CERS3: variants seen among roughly 807,000 people sequenced by gnomAD.
The protein encoded by CERS3 is ceramide synthase 3.
In CERS3, 33 loss-of-function variants were observed where a neutral mutation model predicts 50.3. The observed-to-expected ratio is 0.66, with a 90% CI of 0.50 to 0.88. The LOEUF is 0.88. Among genes scored for constraint, CERS3 ranks in the 40% least tolerant of loss-of-function variants. CERS3 has a pLI of 0.00. For synonymous variants in CERS3, 176 were observed against 155.2 expected (o/e 1.13, Z -0.99); for missense variants, 470 against 460.3 (o/e 1.02, Z -0.19).
chr15:100,481,730 T>G (rs984642681), intron 5 of CERS3, among the ~76,000 whole-genome samples: 1 of 152,228 alleles, frequency 6.6e-6, no homozygotes, highest in African/African-American at 2.4e-5. Flanking sequence ...TCATAAAACT[T>G]ACGGAAGTTT....
chr15:100,530,095 G>C (rs8030044), upstream of CERS3, among the ~76,000 whole-genome samples: 2 of 152,182 alleles, frequency 1.3e-5, no homozygotes, highest in South Asian at 4.1e-4. Context: ...ATGGGCTCAT[G>C]CATTTTTAAA....
At position 100,479,488 on chromosome 15, in the gene CERS3, G is replaced by GAA. The variant is rs749210730; in HGVS notation, c.466-12_466-11dup. 6.1e-5 allele frequency: 74 copies of GAA among 1,208,748 alleles called. No individual in the cohort carries two copies. The highest frequency in any genetic ancestry group is 2.0e-4 in the Admixed American group (8 of 39,636). The allele number at this position is 1,208,748 out of a possible 1,614,324, so 74.9% of individuals were successfully genotyped here. On this transcript the variant is annotated splice_polypyrimidine_tract_variant and intron_variant, in intron 6 of 11. Coordinates refer to ENST00000679737, the MANE Select transcript of CERS3 (RefSeq NM_001378789.1). The stretch of plus-strand genomic sequence containing the variant: ...CATATAGCCAAGGTTTCTGAAAGAA[G>GAA]AAAAAAAAAAAGAGCCAACAGATGA...
At position 100,450,566 on chromosome 15, in the gene CERS3, T is replaced by C. The variant is rs1338702595; in HGVS notation, c.999+5327A>G. Among the ~76,000 whole-genome samples the C allele has an allele frequency of 2.0e-5, 3 of 151,792 alleles. No individual in the cohort carries two copies. In the East Asian group the frequency reaches 5.8e-4, roughly 29 times the overall value. ...ATAGCCTACAGGACATATGGGACAC[T>C]GTAAGGGAAACAACTTATTGAACTT... On this transcript the variant is annotated intron_variant, in intron 11 of 11. Coordinates refer to ENST00000679737, the MANE Select transcript of CERS3 (RefSeq NM_001378789.1).
chr15:100,539,724 A>G (rs1596836259), intron 1 of CERS3, among the ~76,000 whole-genome samples: 3 of 152,194 alleles, frequency 2.0e-5, no homozygotes, highest in African/African-American at 7.2e-5. Context: ...TGGGGACACA[A>G]AGATTAACCA....
At chr15:100,491,613 G>A (rs1052898765) in intron 3 of CERS3, among the ~76,000 whole-genome samples, 1 of 151,974 alleles carries the variant, frequency 6.6e-6, no homozygotes, top group Non-Finnish European at 1.5e-5. Context: ...TTTAAATTTA[G>A]ATTGATTTTA....
chr15:100,437,835 T>G (rs1258151067), intron 11 of CERS3: 3 of 152,142 alleles, frequency 2.0e-5, no homozygotes, highest in Non-Finnish European at 2.9e-5. Flanking sequence ...TGCCAGTGAA[T>G]GGGAGAGCTG....
At chr15:100,544,437 T>TCTCTCGGCCTTGACCTCCGCGGGGC (rs1567697375) in intron 1 of CERS3, 8 of 101,456 alleles carry the variant, frequency 7.9e-5, no homozygotes, top group Admixed American at 3.9e-4. Flanking sequence ...CTGCGCGGGG[T>TCTCTCGGCCTTGACCTCCGCGGGGC]CACGGGCCCT....
intron 4 of CERS3, among the ~76,000 whole-genome samples, chr15:100,485,166 A>C (rs566170482): frequency 1.3e-5 from 2 of 152,214 alleles, no homozygotes; most frequent in Non-Finnish European, 2.9e-5. Context: ...TCTTTCTCAC[A>C]GCTCCAGAAG....
chr15:100,414,125 G>T (rs987665444), intron 11 of CERS3, among the ~76,000 whole-genome samples: 1 of 151,958 alleles, frequency 6.6e-6, no homozygotes, highest in Admixed American at 6.6e-5. Context: ...ACCAAAACCT[G>T]ACAGAAACAC....
chr15:100,500,451 C>T (rs150718922), intron 3 of CERS3: 1 of 152,190 alleles, frequency 6.6e-6, no homozygotes, highest in Middle Eastern at 3.2e-3. Context: ...GTTTCTGGCT[C>T]ACAGTCCTGG....
chr15:100,449,793 CA>C (rs1415317767), intron 11 of CERS3, among the ~76,000 whole-genome samples: 2 of 152,158 alleles, frequency 1.3e-5, no homozygotes, highest in Non-Finnish European at 2.9e-5. Context: ...ACTGTTATAC[CA>C]GATGTGTAGA....
At chr15:100,467,334 T>A (rs1567639194) in intron 10 of CERS3, among the ~76,000 whole-genome samples, 2 of 152,006 alleles carry the variant, frequency 1.3e-5, no homozygotes, top group Admixed American at 6.6e-5. Context: ...GTTGTTGTCT[T>A]AAGACAGAGG....
intron 10 of CERS3, among the ~76,000 whole-genome samples, chr15:100,467,450 T>TA (rs2034784213): frequency 6.6e-6 from 1 of 152,036 alleles, no homozygotes; most frequent in African/African-American, 2.4e-5. Flanking sequence ...TTTAAAGGAT[T>TA]ATAAAACAAA....
In CERS3 at chr15:100,467,850, T is replaced by TAGATAGATAGATAGATAGATAG. The variant is rs1555528324; in HGVS notation, c.845+1527_845+1528insCTATCTATCTATCTATCTATCT. Among the ~76,000 whole-genome samples the TAGATAGATAGATAGATAGATAG allele has an allele frequency of 2.5e-3, 230 of 93,132 alleles. 2 individuals are homozygous for TAGATAGATAGATAGATAGATAG. Among genetic ancestry groups the TAGATAGATAGATAGATAGATAG allele is most frequent in the Non-Finnish European group, 3.4e-3 (146 of 43,072 alleles). 61.1% of individuals were successfully genotyped at this position (93,132 alleles called of 152,430 possible). ...ATATATATACGTGTATATATATATATATAGATAGATAGATAGATAGATAGA... is the reference window on the plus strand; with the variant it reads ...ATATATATACGTGTATATATATATATAGATAGATAGATAGATAGATAGATAGATAGATAGATAGATAGATAGA... On this transcript the variant is annotated intron_variant, in intron 10 of 11. Coordinates refer to ENST00000679737, the MANE Select transcript of CERS3 (RefSeq NM_001378789.1).
In CERS3 at chr15:100,514,339, A is replaced by G. The variant is rs545601273; in HGVS notation, c.-2+7328T>C. 7.2e-5 allele frequency among the ~76,000 whole-genome samples: 11 copies of G among 152,246 alleles called. No individual in the cohort carries two copies. In the South Asian group the frequency reaches 2.1e-3, roughly 29 times the overall value. On this transcript the variant is annotated intron_variant, in intron 2 of 11. Transcript: ENST00000679737. ...AATTGACACTTATTAAGTTAGAAGA[A>G]GTTATTTAAAAATAATATTCAGTGC...
chr15:100,452,715 G>C (rs2034215893), intron 11 of CERS3, among the ~76,000 whole-genome samples: 2 of 151,968 alleles, frequency 1.3e-5, no homozygotes, highest in South Asian at 4.1e-4. Context: ...AAAATTAGAA[G>C]TTAGTTTTTG....
At chr15:100,488,786 T>TG (rs2035560336) in intron 4 of CERS3, among the ~76,000 whole-genome samples, 2 of 151,648 alleles carry the variant, frequency 1.3e-5, no homozygotes, top group Non-Finnish European at 1.5e-5. Context: ...ATAACTGTTT[T>TG]TTTTTTTTTT....
intron 2 of CERS3, among the ~76,000 whole-genome samples, chr15:100,518,705 C>T (rs1204149611): frequency 5.9e-5 from 9 of 152,308 alleles, no homozygotes; most frequent in South Asian, 2.1e-4. Context: ...TTTCCTAGCT[C>T]GACACCACAC....
At chr15:100,510,089 C>T (rs978574545) in intron 2 of CERS3, among the ~76,000 whole-genome samples, 1 of 151,926 alleles carries the variant, frequency 6.6e-6, no homozygotes, top group African/African-American at 2.4e-5. Flanking sequence ...CAGCTACGCA[C>T]CTCCTGTGCA....
Sources: allele counts gnomAD v4.1 joint callset (sites outside exome capture counted in the v4.1 genomes callset), GRCh38; gene constraint gnomAD v4.1.1; transcripts MANE v1.5; gene names NCBI Gene and HGNC (gene_info 2026-07-23, HGNC 2026-07-21).